The following SPMIP3 variants were observed in gnomAD, a reference collection of about 807,000 sequenced individuals.
SPMIP3 encodes the protein protein SPMIP3.
chr1:244,374,587 C>CTTTTTTT, the SPMIP3 span, among the ~76,000 whole-genome samples: 10 of 74,634 alleles, frequency 1.3e-4, no homozygotes, highest in East Asian at 3.7e-4. Flanking sequence ...CCACATTTCT[C>CTTTTTTT]TTTTTTTTTT....
the SPMIP3 span, among the ~76,000 whole-genome samples, chr1:244,372,805 T>C: frequency 6.6e-6 from 1 of 152,190 alleles, no homozygotes; most frequent in African/African-American, 2.4e-5. Context: ...AGACCCCACA[T>C]GTCCAGGCAT....
the SPMIP3 span, among the ~76,000 whole-genome samples, chr1:244,353,299 C>G: frequency 5.9e-5 from 9 of 152,132 alleles, no homozygotes; most frequent in South Asian, 1.4e-3. Flanking sequence ...AATCCCAACA[C>G]TCTGGGAGGC....
the SPMIP3 span, among the ~76,000 whole-genome samples, chr1:244,384,920 G>C: frequency 1.3e-5 from 2 of 152,102 alleles, no homozygotes; most frequent in Admixed American, 6.5e-5. Context: ...TTGTTTGTTT[G>C]AGATGGAGTC....
the SPMIP3 span, among the ~76,000 whole-genome samples, chr1:244,357,148 C>T: frequency 6.6e-6 from 1 of 151,948 alleles, no homozygotes; most frequent in East Asian, 1.9e-4. Flanking sequence ...TCTCAAACTC[C>T]TGATCTCAAG....
the SPMIP3 span, among the ~76,000 whole-genome samples, chr1:244,373,332 T>TTTTATATATATATATATATATA: frequency 1.4e-3 from 122 of 85,194 alleles, 19 homozygotes; most frequent in East Asian, 2.9e-3. Flanking sequence ...CAAAAAAAAA[T>TTTTATATATATATATATATATA]TATATATATA....
chr1:244,366,734 G>A, the SPMIP3 span, among the ~76,000 whole-genome samples: 20 of 152,242 alleles, frequency 1.3e-4, no homozygotes, highest in African/African-American at 4.3e-4. Flanking sequence ...ACAAAAATTA[G>A]CCAGGCGTGG....
At chr1:244,360,392 G>GTTATATCGAAGAGAAAGGAAATTT in the SPMIP3 span, among the ~76,000 whole-genome samples, 2 of 151,994 alleles carry the variant, frequency 1.3e-5, no homozygotes, top group Non-Finnish European at 2.9e-5. Context: ...AAAGGAAATT[G>GTTATATCGAAGAGAAAGGAAATTT]TTATATCAAA....
chr1:244,355,539 C>T, the SPMIP3 span, among the ~76,000 whole-genome samples: 5 of 151,978 alleles, frequency 3.3e-5, no homozygotes, highest in African/African-American at 4.8e-5. Flanking sequence ...AGGCAAGCGC[C>T]ACCACGCCTG....
At chr1:244,375,305 G>A in the SPMIP3 span, 15 of 1,271,984 alleles carry the variant, frequency 1.2e-5, no homozygotes, top group South Asian at 3.7e-5. Context: ...TGCCGCAGCT[G>A]GCATTCTTCT....
the SPMIP3 span, among the ~76,000 whole-genome samples, chr1:244,379,410 T>G: frequency 6.6e-6 from 1 of 151,948 alleles, no homozygotes; most frequent in African/African-American, 2.4e-5. Flanking sequence ...CTTGCTTTGT[T>G]GCCCAGGCTG....
the SPMIP3 span, among the ~76,000 whole-genome samples, chr1:244,385,058 C>T: frequency 3.3e-5 from 5 of 151,998 alleles, no homozygotes; most frequent in East Asian, 5.8e-4. Context: ...CCCACCACCA[C>T]GCCTGGCTAA....
At chr1:244,372,697 C>G in the SPMIP3 span, among the ~76,000 whole-genome samples, 14 of 152,320 alleles carry the variant, frequency 9.2e-5, no homozygotes, top group East Asian at 2.7e-3. Flanking sequence ...CCCGCCTTGG[C>G]CTCCCAAAGT....
At chr1:244,388,320 C>T in the SPMIP3 span, among the ~76,000 whole-genome samples, 4 of 152,112 alleles carry the variant, frequency 2.6e-5, no homozygotes, top group Non-Finnish European at 5.9e-5. Context: ...CTTATTTATT[C>T]CTTAGGTCAG....
the SPMIP3 span, chr1:244,364,716 C>A: frequency 1.9e-6 from 3 of 1,614,028 alleles, no homozygotes; most frequent in Admixed American, 1.7e-5. Context: ...TGCCATCCGA[C>A]TACGAGAATT....
chr1:244,374,830 C>T, the SPMIP3 span, among the ~76,000 whole-genome samples: 1 of 151,746 alleles, frequency 6.6e-6, no homozygotes, highest in South Asian at 2.1e-4. Flanking sequence ...ACTCCTGACC[C>T]CAAGTGATCC....
At chr1:244,361,769 A>G in the SPMIP3 span, among the ~76,000 whole-genome samples, 1 of 152,190 alleles carries the variant, frequency 6.6e-6, no homozygotes, top group Non-Finnish European at 1.5e-5. Flanking sequence ...TTATTCCCTT[A>G]CAAGACTGAT....
At chr1:244,368,925 C>T in the SPMIP3 span, among the ~76,000 whole-genome samples, 1 of 152,182 alleles carries the variant, frequency 6.6e-6, no homozygotes, top group Non-Finnish European at 1.5e-5. Flanking sequence ...CTATGGCAGG[C>T]GAGGCAGGCG....
the SPMIP3 span, among the ~76,000 whole-genome samples, chr1:244,359,007 T>C: frequency 1.3e-5 from 2 of 152,310 alleles, no homozygotes; most frequent in East Asian, 3.9e-4. Context: ...GTTTACCATA[T>C]GTTCATACTT....
chr1:244,371,478 C>T, the SPMIP3 span, among the ~76,000 whole-genome samples: 12 of 152,228 alleles, frequency 7.9e-5, no homozygotes, highest in Non-Finnish European at 1.0e-4. Context: ...TCTCCTTACA[C>T]ACACCTTCCC....
Sources: allele counts gnomAD v4.1 joint callset (sites outside exome capture counted in the v4.1 genomes callset), GRCh38; gene constraint gnomAD v4.1.1; transcripts MANE v1.5; gene names NCBI Gene and HGNC (gene_info 2026-07-23, HGNC 2026-07-21).